Variants in NCAPD3 observed in about 807,000 individuals in gnomAD.
The protein encoded by NCAPD3 is non-SMC condensin II complex subunit D3.
In NCAPD3, 105 loss-of-function variants were observed where a neutral mutation model predicts 182.9. The observed-to-expected ratio is 0.57, with a 90% CI of 0.49 to 0.68. The LOEUF (loss-of-function observed/expected upper bound fraction) is 0.68, where lower values mean the gene tolerates loss of function less well. Among genes scored for constraint, NCAPD3 ranks in the 30% least tolerant of loss-of-function variants. NCAPD3 has a pLI of 0.00. For synonymous variants in NCAPD3, 815 were observed against 679.9 expected, an observed-to-expected ratio of 1.20 and a Z score of -3.09; for missense variants, 1,944 against 1,837.0, an observed-to-expected ratio of 1.06 and a Z score of -1.07.
intron 24 of NCAPD3, among the ~76,000 whole-genome samples, chr11:134,171,670 T>C (rs1202306232): frequency 2.0e-5 from 3 of 152,174 alleles, no homozygotes; most frequent in Non-Finnish European, 4.4e-5. Flanking sequence ...CCTGTGATGG[T>C]CTGTCTAGAC....
chr11:134,209,469 T>A lies in NCAPD3; in HGVS notation c.576A>T (p.Glu192Asp). ...PPRREDIEMD[E>D]IIEEQEDENI... ...TCTCATCTTCTTGTTCTTCTATAATTTCATCCATCTAGATTATGAAGAAAT... is the reference window on the plus strand; with the variant it reads ...TCTCATCTTCTTGTTCTTCTATAATATCATCCATCTAGATTATGAAGAAAT... Residue 192 changes from glutamate (E) to aspartate (D), a missense_variant, in exon 5 of 35, where the codon GAA (glutamate) becomes GAT (aspartate). This residue lies in a region of NCAPD3 where 1,803 missense variants were observed against 1,674.6 expected (regional missense o/e 1.08). Coordinates refer to ENST00000534548, the MANE Select transcript of NCAPD3 (RefSeq NM_015261.3). 2 of 1,610,382 alleles carry A rather than the reference T, an allele frequency of 1.2e-6. No individual in the cohort carries two copies. Among genetic ancestry groups the A allele is most frequent in the Non-Finnish European group, 8.5e-7 (1 of 1,178,634 alleles).
rs1485964379 is a variant in NCAPD3, at chr11:134,184,968, T to C, written c.2270A>G (p.His757Arg). 6 of 1,613,682 alleles carry C rather than the reference T, an allele frequency of 3.7e-6. No individual in the cohort carries two copies. Among genetic ancestry groups the C allele is most frequent in the East Asian group, 2.2e-5 (1 of 44,888 alleles). The change falls in exon 18 of 35, where the codon CAT becomes CGT. Residue 757 changes from histidine (H) to arginine (R), a missense_variant. His to Arg is a conservative substitution (Grantham distance 29). This residue lies in a region of NCAPD3 where 1,803 missense variants were observed against 1,674.6 expected (regional missense o/e 1.08). Transcript: ENST00000534548. ...AATATGCCCAATCACACAGAGAATA[T>C]GTCCTAAGGTGTTTGAATTGGGATT... ...QQNPNSNTLG[H>R]ILCVIGHIAK...
At chr11:134,163,144 A>G (rs1407227993) in intron 27 of NCAPD3, among the ~76,000 whole-genome samples, 2 of 152,330 alleles carry the variant, frequency 1.3e-5, no homozygotes, top group South Asian at 2.1e-4. Flanking sequence ...TTACCTTGAA[A>G]AAGAAGAATC....
intron 16 of NCAPD3, among the ~76,000 whole-genome samples, chr11:134,191,335 G>GT (rs1184148629): frequency 1.3e-5 from 2 of 151,860 alleles, no homozygotes; most frequent in Middle Eastern, 3.4e-3. Context: ...TGTGCAGCAC[G>GT]TGAGTTCTGG....
intron 18 of NCAPD3, 55 bp downstream of exon 18, chr11:134,184,848 C>CA (rs1009166874): frequency 7.5e-7 from 1 of 1,342,052 alleles, no homozygotes; most frequent in East Asian, 2.3e-5. Context: ...CACACACACA[C>CA]ACCTGAAATG....
At position 134,220,571 on chromosome 11, in the gene NCAPD3, C is replaced by T; in HGVS notation, c.219+1G>A. ...TGGCTAGTTTGTTTTTATATTTTTA[C>T]CTCCATAGATCCATGTTCTCCAGTA... On this transcript the variant is annotated splice_donor_variant, in intron 2 of 34. Transcript: ENST00000534548. LOFTEE classifies it high-confidence loss of function. 6.2e-7 allele frequency: 1 copy of T among 1,603,050 alleles called. No individual in the cohort carries two copies. The highest frequency in any genetic ancestry group is 8.5e-7 in the Non-Finnish European group (1 of 1,173,176).
chr11:134,202,223 C>G (rs1222265297), intron 13 of NCAPD3, among the ~76,000 whole-genome samples: 2 of 152,144 alleles, frequency 1.3e-5, no homozygotes, highest in African/African-American at 4.8e-5. Flanking sequence ...GTCTCTCTCT[C>G]TTTAAATCAC....
intron 24 of NCAPD3, 48 bp downstream of exon 24, chr11:134,176,259 A>G (rs1944161495): frequency 6.5e-7 from 1 of 1,530,458 alleles, no homozygotes; most frequent in Non-Finnish European, 9.1e-7. Flanking sequence ...AGCATACATC[A>G]GAAATGAGGT....
At chr11:134,205,463 T>G (rs1158719275) in intron 8 of NCAPD3, among the ~76,000 whole-genome samples, 1 of 151,096 alleles carries the variant, frequency 6.6e-6, no homozygotes, top group African/African-American at 2.4e-5. Context: ...TCACTGCAAC[T>G]TCCCCCACCG....
chr11:134,185,677 G>A lies in NCAPD3; in HGVS notation c.2046-151C>T, dbSNP rs573659163. 54 of 510,710 alleles carry A rather than the reference G, an allele frequency of 1.1e-4. 1 individual carries two copies. In the South Asian group the frequency reaches 1.4e-3, roughly 13 times the overall value. 31.6% of individuals were successfully genotyped at this position (510,710 alleles called of 1,614,324 possible). A position where few individuals can be genotyped will look rare whatever the true frequency, so the allele number is the denominator to read the frequency against. On this transcript the variant is annotated intron_variant, in intron 16 of 34. Coordinates refer to ENST00000534548, the MANE Select transcript of NCAPD3 (RefSeq NM_015261.3). ...TATGTAGACGTTCCTAATTAGTGGC[G>A]TGTCTGATACCAAACTAGGTATCTT...
chr11:134,153,064 A>C lies in NCAPD3; in HGVS notation c.4389-12T>G. ...GAGGCTGTGGGGGCCTAGGGAAAGG[A>C]CATGTGCAGTCATTCTGGAACTCAG... On this transcript the variant is annotated splice_polypyrimidine_tract_variant and intron_variant, in intron 34 of 34. Coordinates refer to ENST00000534548, the MANE Select transcript of NCAPD3 (RefSeq NM_015261.3). 1 of 1,609,480 alleles carries C rather than the reference A, an allele frequency of 6.2e-7. No individual in the cohort carries two copies. The highest frequency in any genetic ancestry group is 1.1e-5 in the South Asian group (1 of 90,714).
At chr11:134,176,249 A>G (rs1944161229) in intron 24 of NCAPD3, 58 bp downstream of exon 24, 3 of 1,480,888 alleles carry the variant, frequency 2.0e-6, no homozygotes, top group Admixed American at 1.7e-5. Flanking sequence ...AAAGAAATCC[A>G]GCATACATCA....
chr11:134,203,009 G>T, intron 12 of NCAPD3, 104 bp from the exon 13 acceptor site: 1 of 1,186,796 alleles, frequency 8.4e-7, no homozygotes, highest in Non-Finnish European at 1.2e-6. Flanking sequence ...TTACTGAAAT[G>T]AATTTCAACC....
intron 24 of NCAPD3, among the ~76,000 whole-genome samples, chr11:134,171,507 C>A (rs1019523655): frequency 2.6e-5 from 4 of 152,164 alleles, no homozygotes; most frequent in Admixed American, 2.0e-4. Context: ...CTCAAGAGTT[C>A]ATGCTGAACT....
At chr11:134,211,835 A>G (rs545929824) in intron 3 of NCAPD3, among the ~76,000 whole-genome samples, 3 of 152,216 alleles carry the variant, frequency 2.0e-5, no homozygotes, top group Non-Finnish European at 4.4e-5. Context: ...CGTAGAAACC[A>G]AAAAGCTAAT....
chr11:134,176,313 A>G lies in NCAPD3; in HGVS notation c.3095T>C (p.Ile1032Thr). The change falls in exon 24 of 35, where the codon ATT becomes ACT. Residue 1032 changes from isoleucine to threonine, a missense_variant. Transcript: ENST00000534548. ...VSTLIDSHPD[I>T]ASFGEFCLAH... ...ACGTGAGGAAAAGATTTACCTGGCAATGTCTGGGTGTGAATCGATCAGAGT... is the reference window on the plus strand; with the variant it reads ...ACGTGAGGAAAAGATTTACCTGGCAGTGTCTGGGTGTGAATCGATCAGAGT... The G allele has an allele frequency of 6.2e-7, 1 of 1,613,734 alleles. No individual in the cohort carries two copies. Among genetic ancestry groups the G allele is most frequent in the South Asian group, 1.1e-5 (1 of 91,066 alleles).
rs1373337827 is a variant in NCAPD3 at position 134,211,845 on chromosome 11, TAA to T, written c.383-1393_383-1392del. On this transcript the variant is annotated intron_variant, in intron 3 of 34. Coordinates refer to ENST00000534548, the MANE Select transcript of NCAPD3 (RefSeq NM_015261.3). Reference sequence around the variant, plus strand: ...AGGAGCGTAGAAACCAAAAAGCTAATAAAGACTCAGTGACCCATGGGAGAACA... The same window carrying T: ...AGGAGCGTAGAAACCAAAAAGCTAATAGACTCAGTGACCCATGGGAGAACA... Among the ~76,000 whole-genome samples the T allele has an allele frequency of 3.3e-5, 5 of 152,016 alleles. No homozygotes were observed. The East Asian group carries it at 9.6e-4, about 29-fold the overall frequency.
rs1041473167 is a variant in NCAPD3, at chr11:134,176,901, G to T, written c.3021+318C>A. Among the ~76,000 whole-genome samples, 7 of 152,200 alleles carry T rather than the reference G, an allele frequency of 4.6e-5. No homozygotes were observed. The East Asian group carries it at 1.3e-3, about 29-fold the overall frequency. ...CTCTCAGAAATGTGGACTTGTCCAA[G>T]TTAAAAAAGAATAACAGAATTCAAA... is the stretch of plus-strand genomic sequence containing the variant. On this transcript the variant is annotated intron_variant, in intron 23 of 34. Transcript: ENST00000534548.
In NCAPD3 at chr11:134,158,058, G is replaced by A. The variant is rs753761045; in HGVS notation, c.4044C>T (p.Ser1348=). The part of the protein sequence containing the change: ...QRLLPKARPM[S]LSTIAILNSV... ...AATTCAGGATTGCAATGGTGCTCAG[G>A]GACATGGGCCTGTGGAGAACAGCCA... The change falls in exon 31 of 35, where the codon TCC becomes TCT. Residue 1348 remains serine, a synonymous_variant. Transcript: ENST00000534548. 6.8e-6 allele frequency: 11 copies of A among 1,613,736 alleles called. No homozygotes were observed. The highest frequency in any genetic ancestry group is 7.6e-6 in the Non-Finnish European group (9 of 1,179,910).
Sources: allele counts gnomAD v4.1 joint callset (sites outside exome capture counted in the v4.1 genomes callset), GRCh38; gene constraint gnomAD v4.1.1; regional missense constraint gnomAD v4.1.1; transcripts MANE v1.5; gene names NCBI Gene and HGNC (gene_info 2026-07-23, HGNC 2026-07-21).